Variants in ANKRD27 observed in about 807,000 individuals in gnomAD.
ANKRD27 encodes ankyrin repeat domain-containing protein 27.
In ANKRD27, 112 loss-of-function variants were observed where a neutral mutation model predicts 129.7. The ratio of observed to expected loss-of-function variants is 0.86; its 90% CI spans 0.74 to 1.01. The LOEUF is 1.01. ANKRD27 is among the 50% of genes least tolerant of loss of function. The pLI, the probability that ANKRD27 is intolerant of heterozygous loss-of-function variation, is 0.00. For missense variants in ANKRD27, 1,258 were observed against 1,300.5 expected (o/e 0.97, Z 0.50); for synonymous variants, 516 against 511.2 (o/e 1.01, Z -0.13).
chr19:32,638,950 C>T (rs976888576), intron 12 of ANKRD27: 15 of 310,486 alleles, frequency 4.8e-5, no homozygotes, highest in Non-Finnish European at 7.6e-5. Flanking sequence ...CCAGCAGGCC[C>T]GAACAAAACT....
At chr19:32,630,210 C>G (rs1966968843) in intron 13 of ANKRD27, among the ~76,000 whole-genome samples, 2 of 152,232 alleles carry the variant, frequency 1.3e-5, no homozygotes, top group Non-Finnish European at 2.9e-5. Context: ...CACAAACCTG[C>G]AGAGCTCACC....
At position 32,646,546 on chromosome 19, in the gene ANKRD27, G is replaced by A. The variant is rs754730995; in HGVS notation, c.283C>T (p.Leu95Phe). The change falls in exon 4 of 29, where the codon CTC becomes TTC. Residue 95 changes from leucine to phenylalanine, a missense_variant. Leu to Phe is a conservative substitution (Grantham distance 22, BLOSUM62 0). Coordinates refer to ENST00000306065, the MANE Select transcript of ANKRD27 (RefSeq NM_032139.3). Reference sequence around the variant, plus strand: ...TCATTGTAGAAAGTTTCTTCAAAGAGAATGGGCACTGAGAGAAGACAGGCA... The same window carrying A: ...TCATTGTAGAAAGTTTCTTCAAAGAAAATGGGCACTGAGAGAAGACAGGCA... ...GFACLLSVPILFEETFYNEKE... is the reference protein window; with the variant it reads ...GFACLLSVPIFFEETFYNEKE... 6.2e-7 allele frequency: 1 copy of A among 1,614,002 alleles called. No individual in the cohort carries two copies. Among genetic ancestry groups the A allele is most frequent in the Non-Finnish European group, 8.5e-7 (1 of 1,180,008 alleles).
chr19:32,611,681 A>G (rs978690301), intron 22 of ANKRD27, among the ~76,000 whole-genome samples: 4 of 152,144 alleles, frequency 2.6e-5, no homozygotes, highest in Non-Finnish European at 4.4e-5. Context: ...TCCTGGGTTC[A>G]AGCGATTCTC....
chr19:32,626,665 C>A, intron 16 of ANKRD27, 47 bp downstream of exon 16: 1 of 1,458,818 alleles, frequency 6.9e-7, no homozygotes. Context: ...CAGAACCAAG[C>A]TCACAGGAGC....
chr19:32,601,685 G>T (rs576718638), intron 26 of ANKRD27, among the ~76,000 whole-genome samples: 25 of 151,350 alleles, frequency 1.7e-4, no homozygotes, highest in Admixed American at 6.6e-4. Flanking sequence ...CAGAACACCT[G>T]ACTTTGGAAC....
chr19:32,647,222 T>C (rs2145305572), intron 3 of ANKRD27, among the ~76,000 whole-genome samples: 1 of 152,322 alleles, frequency 6.6e-6, no homozygotes, highest in African/African-American at 2.4e-5. Flanking sequence ...TTGTTGCGTA[T>C]CGCAGACTCT....
In ANKRD27 at chr19:32,650,424, C is replaced by T. The variant is rs79919438; in HGVS notation, c.103-632G>A. Reference sequence around the variant, plus strand: ...AAAATTAGCCGGGGGTGGTGGCGCACGCCTGTAATGCCAGCACTTTGGGAG... The same window carrying T: ...AAAATTAGCCGGGGGTGGTGGCGCATGCCTGTAATGCCAGCACTTTGGGAG... On this transcript the variant is annotated intron_variant, in intron 2 of 28. Transcript: ENST00000306065. 0.017 allele frequency among the ~76,000 whole-genome samples: 2,597 copies of T among 151,936 alleles called. 131 individuals are homozygous for T. In the East Asian group the frequency reaches 0.21, roughly 12 times the overall value.
chr19:32,661,405 A>T (rs1390972696), intron 1 of ANKRD27, among the ~76,000 whole-genome samples: 1 of 152,046 alleles, frequency 6.6e-6, no homozygotes, highest in African/African-American at 2.4e-5. Context: ...ATCGTAGCTC[A>T]CCGTAACCTT....
rs191978645 is a variant in ANKRD27 at position 32,662,941 on chromosome 19, C to T, written c.-30-3896G>A. On this transcript the variant is annotated intron_variant, in intron 1 of 28. Coordinates refer to ENST00000306065, the MANE Select transcript of ANKRD27 (RefSeq NM_032139.3). The stretch of plus-strand genomic sequence containing the variant: ...CCTGTAATCCCAGCTACTTGGGAGG[C>T]TGAGGCAGGAGAATCACTTGAACCC... Among the ~76,000 whole-genome samples, 1,030 of 152,232 alleles carry T rather than the reference C, an allele frequency of 6.8e-3. 12 individuals are homozygous for T. The highest frequency in any genetic ancestry group is 0.023 in the African/African-American group (963 of 41,542).
Position 32,607,705 on chromosome 19 carries a change from G to C in ANKRD27, c.2303C>G (p.Ala768Gly), listed in dbSNP as rs1971766215. ...DLIPLLLKHG[A>G]NAGARNADQA... is the part of the protein sequence containing the mutation. ...GTCTGCGTTCCTGGCACCTGCGTTGGCCCCGTGCTTCAGCAGGAGGGGGAT... is the reference window on the plus strand; with the variant it reads ...GTCTGCGTTCCTGGCACCTGCGTTGCCCCCGTGCTTCAGCAGGAGGGGGAT... The change falls in exon 23 of 29, where the codon GCC becomes GGC. Residue 768 changes from alanine (A) to glycine (G), a missense_variant. By Grantham distance (60) the Ala-to-Gly change is moderately conservative. Transcript: ENST00000306065. 3.1e-6 allele frequency: 5 copies of C among 1,612,998 alleles called. No individual in the cohort carries two copies. Among genetic ancestry groups the C allele is most frequent in the Non-Finnish European group, 4.2e-6 (5 of 1,179,698 alleles).
At position 32,607,685 on chromosome 19, in the gene ANKRD27, C is replaced by T. The variant is rs148333561; in HGVS notation, c.2323G>A (p.Ala775Thr). The change falls in exon 23 of 29, where the codon GCA becomes ACA. Residue 775 changes from alanine to threonine, a missense_variant. Transcript: ENST00000306065. Reference protein sequence around the residue: ...KHGANAGARNADQAVPLHLAC... With the variant: ...KHGANAGARNTDQAVPLHLAC... ...AGGTGGAGCGGGACGGCTTGGTCTG[C>T]GTTCCTGGCACCTGCGTTGGCCCCG... The T allele has an allele frequency of 4.0e-5, 64 of 1,612,418 alleles. No homozygotes were observed. The African/African-American group carries it at 5.5e-4, about 14-fold the overall frequency.
rs866345043 is a variant in ANKRD27 at position 32,622,487 on chromosome 19, C to T, written c.1762G>A (p.Gly588Arg). 6.9e-6 allele frequency: 11 copies of T among 1,600,694 alleles called. No individual in the cohort carries two copies. The highest frequency in any genetic ancestry group is 6.6e-5 in the South Asian group (6 of 90,308). Residue 588 changes from glycine (G) to arginine (R), a missense_variant, in exon 18 of 29, where the codon GGA becomes AGA. Physicochemically the swap from Gly to Arg is moderately radical, Grantham distance 125. Transcript: ENST00000306065. ...CTGTTCTGGATCTCGGTGGACGCTC[C>T]GTTCTGCAGCAATGTCTCTATGACG... ...QGVIETLLQNGASTEIQNRLK... is the reference protein window; with the variant it reads ...QGVIETLLQNRASTEIQNRLK...
chr19:32,611,417 C>A (rs958733974), intron 22 of ANKRD27, among the ~76,000 whole-genome samples: 4 of 152,164 alleles, frequency 2.6e-5, no homozygotes, highest in Non-Finnish European at 5.9e-5. Flanking sequence ...AAAAGGTGCA[C>A]ATCCCCAGTG....
chr19:32,615,987 A>G (rs3760937), intron 21 of ANKRD27, among the ~76,000 whole-genome samples: 80,295 of 151,974 alleles, frequency 0.53, 21,781 homozygotes, highest in Non-Finnish European at 0.57. Flanking sequence ...ATTTTCTTCT[A>G]TCATAAAAAA....
rs757534749 is a variant in ANKRD27, at chr19:32,659,028, T to C, written c.-13A>G. ...CATACAGAGCCATATGGACTTCAGA[T>C]GGGTCAGAGCAAATCTCCTGCAATA... On this transcript the variant is annotated 5_prime_UTR_variant, in exon 2 of 29. Transcript: ENST00000306065. 1 of 1,593,706 alleles carries C rather than the reference T, an allele frequency of 6.3e-7. No homozygotes were observed. The highest frequency in any genetic ancestry group is 8.6e-7 in the Non-Finnish European group (1 of 1,161,548).
At chr19:32,629,201 G>A (rs1045434163) in intron 13 of ANKRD27, among the ~76,000 whole-genome samples, 20 of 145,548 alleles carry the variant, frequency 1.4e-4, no homozygotes, top group Admixed American at 2.0e-4. Flanking sequence ...GATTACAGGC[G>A]TGAGCCACCA....
intron 2 of ANKRD27, among the ~76,000 whole-genome samples, chr19:32,654,383 G>T (rs1034726340): frequency 3.3e-5 from 5 of 152,202 alleles, no homozygotes; most frequent in African/African-American, 9.6e-5. Flanking sequence ...CAAACTTCAT[G>T]GAAAGATATT....
intron 20 of ANKRD27, 101 bp downstream of exon 20, chr19:32,619,159 C>T (rs969165062): frequency 6.8e-7 from 1 of 1,467,884 alleles, no homozygotes; most frequent in African/African-American, 1.4e-5. Context: ...GGCAAGCAGG[C>T]TGAGAGGGCG....
At chr19:32,636,445 G>A (rs2145293455) in intron 12 of ANKRD27, 1 of 151,514 alleles carries the variant, frequency 6.6e-6, no homozygotes, top group South Asian at 2.1e-4. Flanking sequence ...CCAAGGATGT[G>A]ATTGAGGAGT....
Sources: gnomAD v4.1 joint callset for allele counts (sites outside exome capture counted in the v4.1 genomes callset) on GRCh38, gnomAD v4.1.1 for gene constraint, MANE v1.5 for transcripts, NCBI Gene and HGNC (gene_info 2026-07-23, HGNC 2026-07-21) for gene names.